The following SMAD3 variants were observed in gnomAD, a reference collection of about 807,000 sequenced individuals.
The protein encoded by SMAD3 is SMAD family member 3.
In SMAD3, 12 loss-of-function variants were observed where a neutral mutation model predicts 51.8. That is an observed-to-expected ratio of 0.23 (90% CI 0.15 to 0.38). The LOEUF (loss-of-function observed/expected upper bound fraction) is 0.38, where lower values mean the gene tolerates loss of function less well. SMAD3 is among the 10% of genes least tolerant of loss of function. The probability of loss-of-function intolerance (pLI) is 1.00; values close to 1 mark genes in which losing one functional copy is unlikely to be tolerated. For synonymous variants in SMAD3, 238 were observed against 227.7 expected (o/e 1.05, Z -0.41); for missense variants, 294 against 565.6 (o/e 0.52, Z 4.87).
At chr15:67,129,864 A>C (rs1186285548) in intron 1 of SMAD3, among the ~76,000 whole-genome samples, 1 of 152,224 alleles carries the variant, frequency 6.6e-6, no homozygotes, top group African/African-American at 2.4e-5. Context: ...GGCACATCTC[A>C]GTTTGCACTG....
intron 1 of SMAD3, among the ~76,000 whole-genome samples, chr15:67,157,298 C>T (rs1340096065): frequency 6.6e-6 from 1 of 152,208 alleles, no homozygotes; most frequent in Non-Finnish European, 1.5e-5. Context: ...GGTAGGTATT[C>T]AATAACTATG....
chr15:67,181,375 A>T lies in SMAD3; in HGVS notation c.793A>T (p.Asn265Tyr), dbSNP rs1482674460. 1 of 1,613,976 alleles carries T rather than the reference A, an allele frequency of 6.2e-7. No homozygotes were observed. The highest frequency in any genetic ancestry group is 1.3e-5 in the African/African-American group (1 of 74,902). The change falls in exon 6 of 9, where the codon AAT becomes TAT. Residue 265 changes from asparagine to tyrosine, a missense_variant. By Grantham distance (143) the Asn-to-Tyr change is moderately radical. Transcript: ENST00000327367. ...TGTGGATGGCTTCACCGACCCCTCC[A>T]ATTCGGAGCGCTTCTGCCTAGGGCT... ...MTVDGFTDPS[N>Y]SERFCLGLLS...
In SMAD3 at chr15:67,191,548, A is replaced by T. The variant is rs931363295; in HGVS notation, c.*1012A>T. 1.3e-5 allele frequency: 3 copies of T among 233,228 alleles called. No homozygotes were observed. The highest frequency in any genetic ancestry group is 2.5e-5 in the Non-Finnish European group (3 of 117,960). The allele number at this position is 233,228 out of a possible 1,614,324, so 14.4% of individuals were successfully genotyped here. On this transcript the variant is annotated 3_prime_UTR_variant, in exon 9 of 9. Transcript: ENST00000327367. Reference sequence around the variant, plus strand: ...AATGTTTGGTTTATATATTTTCTTTAAAAATCCTGGGCTGGCACATTGACT... The same window carrying T: ...AATGTTTGGTTTATATATTTTCTTTTAAAATCCTGGGCTGGCACATTGACT...
rs4776346 is a variant in SMAD3 at position 67,181,603 on chromosome 15, C to T, written c.871+150C>T. ...CTCCTGCTGGGCATGGGGGAAGACT[C>T]ACTGCCCCAGCAAGTCCCCTACACT... On this transcript the variant is annotated intron_variant, in intron 6 of 8. Coordinates refer to ENST00000327367, the MANE Select transcript of SMAD3 (RefSeq NM_005902.4). 3,090 of 725,072 alleles carry T rather than the reference C, an allele frequency of 4.3e-3. 105 individuals carry two copies. In the Admixed American group the frequency reaches 0.059, roughly 14 times the overall value. The allele number at this position is 725,072 out of a possible 1,614,324, so 44.9% of individuals were successfully genotyped here.
At chr15:67,170,879 T>C (rs2140301545) in intron 5 of SMAD3, among the ~76,000 whole-genome samples, 1 of 152,326 alleles carries the variant, frequency 6.6e-6, no homozygotes, top group East Asian at 1.9e-4. Context: ...CCCCAAACTT[T>C]ATGCCCAGGA....
chr15:67,142,199 A>ACCCCCCCCCC (rs549870512), intron 1 of SMAD3, among the ~76,000 whole-genome samples: 4 of 127,952 alleles, frequency 3.1e-5, no homozygotes, highest in East Asian at 2.4e-4. Context: ...TCCTCCCCAC[A>ACCCCCCCCCC]CCCCCCCCAC....
Position 67,190,734 on chromosome 15 carries a change from A to T in SMAD3, c.*198A>T. The T allele has an allele frequency of 1.6e-6, 1 of 628,570 alleles. No homozygotes were observed. The highest frequency in any genetic ancestry group is 2.7e-5 in the East Asian group (1 of 36,438). The allele number at this position is 628,570 out of a possible 1,614,324, so 38.9% of individuals were successfully genotyped here. ...GATGTTATGAACAGCTGTGTCTGCC[A>T]AACACATTTACCCTTTGGCCCCACT... On this transcript the variant is annotated 3_prime_UTR_variant, in exon 9 of 9. Transcript: ENST00000327367.
chr15:67,190,369 ATTT>A, intron 8 of SMAD3, 41 bp from the exon 9 acceptor site: 1 of 1,596,586 alleles, frequency 6.3e-7, no homozygotes, highest in Non-Finnish European at 8.6e-7. Context: ...CCCCCTGGAG[ATTT>A]TTTAAGTCCC....
At chr15:67,171,638 T>C (rs1157712993) in intron 5 of SMAD3, among the ~76,000 whole-genome samples, 1 of 152,224 alleles carries the variant, frequency 6.6e-6, no homozygotes, top group Non-Finnish European at 1.5e-5. Flanking sequence ...TTCCAGACCT[T>C]GACTGACAGC....
At chr15:67,111,993 G>T (rs1210172603) in intron 1 of SMAD3, among the ~76,000 whole-genome samples, 1 of 151,686 alleles carries the variant, frequency 6.6e-6, no homozygotes, top group Non-Finnish European at 1.5e-5. Context: ...TCACCATGAT[G>T]GCCAGGTTGG....
Position 67,084,672 on chromosome 15 carries a change from C to A in SMAD3, c.206+18312C>A, listed in dbSNP as rs538404467. Among the ~76,000 whole-genome samples the A allele has an allele frequency of 2.1e-3, 324 of 152,212 alleles. 1 individual carries two copies. The highest frequency in any genetic ancestry group is 7.5e-3 in the African/African-American group (312 of 41,520). ...CACACATAGCTCTGCCCTCATGGAG[C>A]GTCCCAGGGTGAAATGAGACCTCCC... is the stretch of plus-strand genomic sequence containing the variant. On this transcript the variant is annotated intron_variant, in intron 1 of 8. Transcript: ENST00000327367.
At chr15:67,166,965 C>CAAATACTGGAGAGAGAG in intron 4 of SMAD3, 112 bp downstream of exon 4, 1 of 890,804 alleles carries the variant, frequency 1.1e-6, no homozygotes, top group Non-Finnish European at 1.8e-6. Context: ...TCTCTCTCTC[C>CAAATACTGGAGAGAGAG]AGTATTTGTA....
intron 6 of SMAD3, among the ~76,000 whole-genome samples, chr15:67,182,997 AAAAATATATATATAT>A (rs1305232202): frequency 3.5e-5 from 2 of 57,202 alleles, no homozygotes; most frequent in African/African-American, 8.0e-5. Flanking sequence ...AAAAAAAAAA[AAAAATATATATATAT>A]ATATATATAT....
At chr15:67,162,403 G>C (rs1237255960) in intron 1 of SMAD3, among the ~76,000 whole-genome samples, 2 of 152,152 alleles carry the variant, frequency 1.3e-5, no homozygotes, top group Non-Finnish European at 2.9e-5. Context: ...TCTTAATAGG[G>C]TACCTGTGAC....
intron 1 of SMAD3, among the ~76,000 whole-genome samples, chr15:67,157,019 G>A (rs1962300612): frequency 6.6e-6 from 1 of 152,222 alleles, no homozygotes; most frequent in South Asian, 2.1e-4. Context: ...GCTGCAGAGA[G>A]GGGTGACTAA....
chr15:67,104,697 T>TGTTA (rs1960838163), intron 1 of SMAD3, among the ~76,000 whole-genome samples: 1 of 152,270 alleles, frequency 6.6e-6, no homozygotes, highest in African/African-American at 2.4e-5. Flanking sequence ...CTATACTCCG[T>TGTTA]GTTATCTTGT....
intron 1 of SMAD3, among the ~76,000 whole-genome samples, chr15:67,154,327 C>T (rs1962225377): frequency 6.6e-6 from 1 of 152,164 alleles, no homozygotes; most frequent in Admixed American, 6.5e-5. Flanking sequence ...TTGAGTTGTT[C>T]TTGGTGGAAA....
intron 4 of SMAD3, among the ~76,000 whole-genome samples, chr15:67,168,906 G>A (rs1962667087): frequency 6.6e-6 from 1 of 152,226 alleles, no homozygotes; most frequent in African/African-American, 2.4e-5. Context: ...GTGTGGTAGT[G>A]TCTCGGGCCA....
intron 1 of SMAD3, among the ~76,000 whole-genome samples, chr15:67,091,979 G>A (rs934943776): frequency 5.3e-5 from 8 of 152,216 alleles, no homozygotes; most frequent in African/African-American, 1.9e-4. Context: ...AACAGGTGGT[G>A]TTCCCAGAGC....
Sources: allele counts gnomAD v4.1 joint callset (sites outside exome capture counted in the v4.1 genomes callset), GRCh38; gene constraint gnomAD v4.1.1; transcripts MANE v1.5; gene names NCBI Gene and HGNC (gene_info 2026-07-23, HGNC 2026-07-21).